TAS1R1: variants seen among roughly 807,000 people sequenced by gnomAD.
TAS1R1 encodes taste receptor type 1 member 1.
Under a neutral mutation model 45.8 loss-of-function variants are expected in TAS1R1, and 31 were observed. The observed-to-expected ratio is 0.68, with a 90% confidence interval of 0.51 to 0.91. The LOEUF is 0.91. Among genes scored for constraint, TAS1R1 ranks in the 40% least tolerant of loss-of-function variants. The pLI, the probability that TAS1R1 is intolerant of heterozygous loss-of-function variation, is 0.00. For missense variants in TAS1R1, 1,051 were observed against 1,063.9 expected (o/e 0.99, Z 0.17); for synonymous variants, 437 against 448.4 (o/e 0.97, Z 0.32).
At chr1:6,576,706 C>T in intron 4 of TAS1R1, 79 bp downstream of exon 4, 1 of 1,546,982 alleles carries the variant, frequency 6.5e-7, no homozygotes, top group Non-Finnish European at 8.8e-7. Context: ...ACACAGTGTA[C>T]AGGGAGCAGG....
At chr1:6,577,154 G>T in intron 5 of TAS1R1, 84 bp downstream of exon 5, 1 of 1,573,582 alleles carries the variant, frequency 6.4e-7, no homozygotes, top group Non-Finnish European at 8.6e-7. Context: ...GGCCCCATGT[G>T]CCCTGCCCCA....
intron 1 of TAS1R1, among the ~76,000 whole-genome samples, chr1:6,567,062 G>A (rs1460433629): frequency 6.6e-6 from 1 of 152,162 alleles, no homozygotes; most frequent in Non-Finnish European, 1.5e-5. Context: ...GGCAAGAAAA[G>A]GTGATACAAG....
At chr1:6,576,088 C>T (rs1018658442) in intron 3 of TAS1R1, among the ~76,000 whole-genome samples, 7 of 152,246 alleles carry the variant, frequency 4.6e-5, no homozygotes, top group Admixed American at 1.3e-4. Flanking sequence ...CTTCGGCCTC[C>T]CAAAGTGCTG....
At chr1:6,569,687 G>A (rs578180989) in intron 1 of TAS1R1, among the ~76,000 whole-genome samples, 5 of 152,174 alleles carry the variant, frequency 3.3e-5, no homozygotes, top group East Asian at 3.9e-4. Flanking sequence ...CCTGTGTCCC[G>A]CAAGCCCTGT....
At chr1:6,555,866 C>CCT (rs1553185410) in intron 1 of TAS1R1, among the ~76,000 whole-genome samples, 7 of 95,306 alleles carry the variant, frequency 7.3e-5, no homozygotes, top group South Asian at 3.8e-4. Context: ...TTTCCCTCTT[C>CCT]TTTTTTTTTT....
In TAS1R1 at chr1:6,574,762, G is replaced by A; in HGVS notation, c.630G>A (p.Trp210Ter). ...TGCTGCAGAAGTTCGGGTGGACCTG[G>A]ATCTCTCTGGTTGGCAGCAGTGACG... ...VLLLQKFGWT[W>*]ISLVGSSDDY... Residue 210 changes from tryptophan to a stop codon, truncating the protein, a stop_gained, in exon 3 of 6, where the codon TGG becomes TGA. Coordinates refer to ENST00000333172, the MANE Select transcript of TAS1R1 (RefSeq NM_138697.4). LOFTEE classifies it high-confidence loss of function. This position sits in a 1 kb window ranked among gnomAD's most constrained non-coding sequence, Gnocchi z 4.3. 1 of 1,614,278 alleles carries A rather than the reference G, an allele frequency of 6.2e-7. No homozygotes were observed. Among genetic ancestry groups the A allele is most frequent in the Non-Finnish European group, 8.5e-7 (1 of 1,180,050 alleles).
In TAS1R1 at chr1:6,574,479, A is replaced by G; in HGVS notation, c.499-152A>G. On this transcript the variant is annotated intron_variant, in intron 2 of 5. Transcript: ENST00000333172. The surrounding 1 kb of genome is among the most constrained non-coding windows in gnomAD (Gnocchi z 4.3). ...CCACCCCTCCCCCAGAACCTGCCCCAGTGGAGCCTTCGCAGGTGATTTGTC... is the reference window on the plus strand; with the variant it reads ...CCACCCCTCCCCCAGAACCTGCCCCGGTGGAGCCTTCGCAGGTGATTTGTC... The G allele has an allele frequency of 1.0e-6, 1 of 981,204 alleles. No individual in the cohort carries two copies. Among genetic ancestry groups the G allele is most frequent in the Non-Finnish European group, 1.5e-6 (1 of 686,620 alleles). 60.8% of individuals were successfully genotyped at this position (981,204 alleles called of 1,614,324 possible).
chr1:6,574,326 T>G lies in TAS1R1; in HGVS notation c.499-305T>G, dbSNP rs1415354127. 6.6e-6 allele frequency among the ~76,000 whole-genome samples: 1 copy of G among 152,180 alleles called. No individual in the cohort carries two copies. The highest frequency in any genetic ancestry group is 1.5e-5 in the Non-Finnish European group (1 of 68,024). On this transcript the variant is annotated intron_variant, in intron 2 of 5. Coordinates refer to ENST00000333172, the MANE Select transcript of TAS1R1 (RefSeq NM_138697.4). This position sits in a 1 kb window ranked among gnomAD's most constrained non-coding sequence, Gnocchi z 4.3. ...CCTGACCTACACATGCTTCTCTTCT[T>G]CCTTGCAAACTGCCTCCAGTGGAAG...
Position 6,555,478 on chromosome 1 carries a change from C to G in TAS1R1, c.105C>G (p.Pro35=). The part of the protein sequence containing the change: ...STESSPDFTL[P]GDYLLAGLFP... The stretch of plus-strand genomic sequence containing the variant: ...AGTCTTCTCCTGACTTCACCCTCCC[C>G]GGAGATTACCTCCTGGCAGGCCTGT... The change falls in exon 1 of 6, where the codon CCC becomes CCG. Residue 35 remains proline, a synonymous_variant. Coordinates refer to ENST00000333172, the MANE Select transcript of TAS1R1 (RefSeq NM_138697.4). 36 of 1,592,324 alleles carry G rather than the reference C, an allele frequency of 2.3e-5. No individual in the cohort carries two copies. The highest frequency in any genetic ancestry group is 3.1e-5 in the Non-Finnish European group (36 of 1,169,336).
chr1:6,568,387 G>A (rs891806224), intron 1 of TAS1R1, among the ~76,000 whole-genome samples: 11 of 151,800 alleles, frequency 7.2e-5, no homozygotes, highest in South Asian at 4.2e-4. Flanking sequence ...CCCGGGAGGC[G>A]GAGCTTGCAG....
intron 1 of TAS1R1, among the ~76,000 whole-genome samples, chr1:6,559,635 G>A (rs1639746318): frequency 6.6e-6 from 1 of 151,036 alleles, no homozygotes; most frequent in Admixed American, 6.6e-5. Context: ...CTCCAGCCTG[G>A]GCGACAGAGC....
Position 6,575,333 on chromosome 1 carries a change from C to A in TAS1R1, c.1201C>A (p.His401Asn). Residue 401 changes from histidine to asparagine, a missense_variant, in exon 3 of 6, where the codon CAC becomes AAC. Physicochemically the swap from His to Asn is moderately conservative, Grantham distance 68 (BLOSUM62 1). Coordinates refer to ENST00000333172, the MANE Select transcript of TAS1R1 (RefSeq NM_138697.4). ...TGTGTATGCGGTGGCCCATGGCCTCCACCAGCTCCTGGGCTGTGCCTCTGG... is the reference window on the plus strand; with the variant it reads ...TGTGTATGCGGTGGCCCATGGCCTCAACCAGCTCCTGGGCTGTGCCTCTGG... ...RAVYAVAHGLHQLLGCASGAC... is the reference protein window; with the variant it reads ...RAVYAVAHGLNQLLGCASGAC... 1 of 1,609,988 alleles carries A rather than the reference C, an allele frequency of 6.2e-7. No individual in the cohort carries two copies. The highest frequency in any genetic ancestry group is 8.5e-7 in the Non-Finnish European group (1 of 1,178,488).
intron 1 of TAS1R1, among the ~76,000 whole-genome samples, chr1:6,560,026 C>T (rs1266684790): frequency 1.4e-5 from 2 of 143,238 alleles, no homozygotes; most frequent in Admixed American, 7.0e-5. Flanking sequence ...AAGCCGGGTG[C>T]TAATGGCTCA....
chr1:6,563,428 G>C (rs1639820820), intron 1 of TAS1R1, among the ~76,000 whole-genome samples: 1 of 152,228 alleles, frequency 6.6e-6, no homozygotes, highest in Non-Finnish European at 1.5e-5. Flanking sequence ...CGTAAAAGTT[G>C]TACTATGCGC....
Position 6,576,426 on chromosome 1 carries a change from G to A in TAS1R1, c.1272G>A (p.Gln424=), listed in dbSNP as rs1640174150. 2 of 1,614,214 alleles carry A rather than the reference G, an allele frequency of 1.2e-6. No homozygotes were observed. Among genetic ancestry groups the A allele is most frequent in the East Asian group, 4.5e-5 (2 of 44,890 alleles). ...GRVYPWQLLE[Q]IHKVHFLLHK... ...CGCGTTTCTTTCAGCTTTTGGAGCAGATCCACAAGGTGCATTTCCTTCTAC... is the reference window on the plus strand; with the variant it reads ...CGCGTTTCTTTCAGCTTTTGGAGCAAATCCACAAGGTGCATTTCCTTCTAC... Residue 424 remains glutamine (Q), a synonymous_variant, in exon 4 of 6, where the codon CAG becomes CAA. Coordinates refer to ENST00000333172, the MANE Select transcript of TAS1R1 (RefSeq NM_138697.4).
intron 5 of TAS1R1, among the ~76,000 whole-genome samples, chr1:6,578,353 C>T (rs186625470): frequency 1.4e-4 from 22 of 152,284 alleles, no homozygotes; most frequent in Non-Finnish European, 2.5e-4. Context: ...CCCATCAGAT[C>T]GTAACCTCTC....
chr1:6,563,365 C>T (rs1000440758), intron 1 of TAS1R1, among the ~76,000 whole-genome samples: 20 of 152,178 alleles, frequency 1.3e-4, no homozygotes, highest in Admixed American at 7.2e-4. Context: ...GCCACAGGGC[C>T]GTGAATGGGC....
chr1:6,570,021 G>GA (rs1491190474), intron 1 of TAS1R1, among the ~76,000 whole-genome samples: 2 of 4,568 alleles, frequency 4.4e-4, no homozygotes, highest in East Asian at 0.014. Context: ...GAGGGAGGGA[G>GA]GGGGAGAGAG....
At position 6,578,718 on chromosome 1, in the gene TAS1R1, C is replaced by G. The variant is rs1479143707; in HGVS notation, c.1660C>G (p.Pro554Ala). 6.2e-7 allele frequency: 1 copy of G among 1,612,046 alleles called. No homozygotes were observed. Residue 554 changes from proline to alanine, a missense_variant, in exon 6 of 6, where the codon CCG (proline) becomes GCG (alanine). Pro to Ala is a conservative substitution (Grantham distance 27, BLOSUM62 -1). Transcript: ENST00000333172. ...WAPEGSQTCFPRTVVFLALRE... is the reference protein window; with the variant it reads ...WAPEGSQTCFARTVVFLALRE... ...ACCTGAGGGAAGCCAGACCTGCTTC[C>G]CGCGCACTGTGGTGTTTTTGGCTTT...
Sources: allele counts gnomAD v4.1 joint callset (sites outside exome capture counted in the v4.1 genomes callset), GRCh38; gene constraint gnomAD v4.1.1; non-coding constraint Gnocchi (gnomAD v3.1); transcripts MANE v1.5; gene names NCBI Gene and HGNC (gene_info 2026-07-23, HGNC 2026-07-21).